The following PXT1 variants were observed in gnomAD, a reference collection of about 807,000 sequenced individuals.
PXT1 encodes the protein peroxisomal testis enriched protein 1.
PXT1 carries 11 observed loss-of-function variants against 11.0 expected under a neutral mutation model. The ratio of observed to expected loss-of-function variants is 1.00; its 90% CI spans 0.63 to 1.66. The LOEUF is 1.66. Ranked by LOEUF, PXT1 falls within the 40% of genes most tolerant of loss-of-function variation. The pLI is 0.00. For missense variants in PXT1, 141 were observed against 155.5 expected (o/e 0.91, Z 0.49); for synonymous variants, 43 against 51.4 (o/e 0.84, Z 0.70).
At chr6:36,423,245 C>T (rs1470398935) in intron 3 of PXT1, among the ~76,000 whole-genome samples, 2 of 152,234 alleles carry the variant, frequency 1.3e-5, no homozygotes, top group African/African-American at 4.8e-5. Flanking sequence ...CCTGCTTCCT[C>T]AGTAAGAGTT....
At chr6:36,416,207 G>A (rs557209910) in intron 3 of PXT1, among the ~76,000 whole-genome samples, 1 of 152,082 alleles carries the variant, frequency 6.6e-6, no homozygotes, top group African/African-American at 2.4e-5. Flanking sequence ...AAAATAGCCG[G>A]GTGTGATGGA....
Position 36,418,985 on chromosome 6 carries a change from C to T in PXT1, c.169+6929G>A, listed in dbSNP as rs139937813. ...GGTAAGTCCCTAAGTCGGTGGCTTA[C>T]GGCCTTCTGATCAAAATTGCAACCC... On this transcript the variant is annotated intron_variant, in intron 3 of 4. Transcript: ENST00000454782. Among the ~76,000 whole-genome samples, 823 of 152,312 alleles carry T rather than the reference C, an allele frequency of 5.4e-3. 7 individuals are homozygous for T. The highest frequency in any genetic ancestry group is 8.8e-3 in the Non-Finnish European group (596 of 68,020).
chr6:36,440,613 C>T (rs1458201311), intron 1 of PXT1, among the ~76,000 whole-genome samples: 1 of 151,298 alleles, frequency 6.6e-6, no homozygotes, highest in Non-Finnish European at 1.5e-5. Flanking sequence ...GTTTCAGATA[C>T]AAATAAATAT....
intron 2 of PXT1, among the ~76,000 whole-genome samples, chr6:36,438,505 G>A (rs1774804178): frequency 6.6e-6 from 1 of 152,034 alleles, no homozygotes; most frequent in Non-Finnish European, 1.5e-5. Context: ...CTAACTGCAA[G>A]CTCCGCCTCC....
intron 3 of PXT1, among the ~76,000 whole-genome samples, chr6:36,424,814 G>A (rs545248330): frequency 6.6e-6 from 1 of 152,188 alleles, no homozygotes; most frequent in Non-Finnish European, 1.5e-5. Context: ...GGCCAACACG[G>A]TGAAACCCCC....
intron 2 of PXT1, among the ~76,000 whole-genome samples, chr6:36,429,629 C>T (rs774309125): frequency 1.3e-5 from 2 of 150,504 alleles, no homozygotes; most frequent in Non-Finnish European, 3.0e-5. Context: ...CCTCAGCCTC[C>T]TGTGTAGCTG....
intron 2 of PXT1, among the ~76,000 whole-genome samples, chr6:36,437,212 A>G (rs539931072): frequency 2.4e-4 from 37 of 152,090 alleles, no homozygotes; most frequent in African/African-American, 8.2e-4. Flanking sequence ...GCTTGAACCT[A>G]GGAGGTGGAG....
chr6:36,417,227 A>G (rs1008143432), intron 3 of PXT1, among the ~76,000 whole-genome samples: 16 of 151,932 alleles, frequency 1.1e-4, no homozygotes, highest in Admixed American at 8.5e-4. Context: ...GGCACCTGTA[A>G]TCCCAGCTAC....
At chr6:36,426,166 G>A in intron 2 of PXT1, 75 bp from the exon 3 acceptor site, 2 of 927,538 alleles carry the variant, frequency 2.2e-6, no homozygotes, top group Non-Finnish European at 3.1e-6. Flanking sequence ...AAATATTAAT[G>A]TTTTAACAAT....
intron 3 of PXT1, among the ~76,000 whole-genome samples, chr6:36,414,217 C>A (rs1774415964): frequency 6.6e-6 from 1 of 151,996 alleles, no homozygotes; most frequent in Non-Finnish European, 1.5e-5. Flanking sequence ...AGGGAAGTCC[C>A]AGAATCTCAG....
chr6:36,397,836 C>CA (rs1774164080), intron 4 of PXT1, among the ~76,000 whole-genome samples: 1 of 151,844 alleles, frequency 6.6e-6, no homozygotes, highest in Non-Finnish European at 1.5e-5. Flanking sequence ...CCTGTCTCTA[C>CA]AAAAAATAAA....
At chr6:36,400,772 C>T (rs937501498) in intron 3 of PXT1, among the ~76,000 whole-genome samples, 188 bp from the exon 4 acceptor site, 1 of 152,048 alleles carries the variant, frequency 6.6e-6, no homozygotes, top group African/African-American at 2.4e-5. Flanking sequence ...AGTTCAAAAC[C>T]AGCCTGGTCA....
At chr6:36,415,728 G>T in intron 3 of PXT1, among the ~76,000 whole-genome samples, 1 of 152,186 alleles carries the variant, frequency 6.6e-6, no homozygotes, top group East Asian at 1.9e-4. Flanking sequence ...AGATTGAGGA[G>T]AGAAATTAGA....
intron 2 of PXT1, among the ~76,000 whole-genome samples, chr6:36,438,508 C>T (rs1157728143): frequency 6.6e-6 from 1 of 152,194 alleles, no homozygotes; most frequent in African/African-American, 2.4e-5. Flanking sequence ...ACTGCAAGCT[C>T]CGCCTCCTGG....
chr6:36,427,343 C>T (rs1387201768), intron 2 of PXT1, among the ~76,000 whole-genome samples: 1 of 151,932 alleles, frequency 6.6e-6, no homozygotes, highest in Non-Finnish European at 1.5e-5. Context: ...ATTCTTTTGA[C>T]TTGAAGGGTG....
At chr6:36,420,051 A>G (rs991838780) in intron 3 of PXT1, among the ~76,000 whole-genome samples, 21 of 152,318 alleles carry the variant, frequency 1.4e-4, no homozygotes, top group African/African-American at 4.8e-4. Flanking sequence ...AAACAAGAAA[A>G]TCTATTTTTT....
intron 2 of PXT1, among the ~76,000 whole-genome samples, chr6:36,436,238 G>GA (rs1381500757): frequency 1.3e-5 from 2 of 151,952 alleles, no homozygotes; most frequent in Admixed American, 6.5e-5. Flanking sequence ...AAAAAAAAGT[G>GA]AGAAACTCTT....
chr6:36,441,952 T>C (rs978194570), intron 1 of PXT1, among the ~76,000 whole-genome samples: 1 of 152,272 alleles, frequency 6.6e-6, no homozygotes, highest in Admixed American at 6.5e-5. Context: ...GAGTCTCTTG[T>C]AAGGAAAAGG....
At chr6:36,394,511 G>C (rs539436330) in intron 4 of PXT1, among the ~76,000 whole-genome samples, 38 of 152,180 alleles carry the variant, frequency 2.5e-4, no homozygotes, top group Admixed American at 5.2e-4. Context: ...ACTCTAAAAG[G>C]TGTGGAGAAA....
Sources: allele counts gnomAD v4.1 joint callset (sites outside exome capture counted in the v4.1 genomes callset), GRCh38; gene constraint gnomAD v4.1.1; transcripts MANE v1.5; gene names NCBI Gene and HGNC (gene_info 2026-07-23, HGNC 2026-07-21).